Variants in ARL10 observed in about 807,000 individuals in gnomAD.
ARL10 encodes ADP-ribosylation factor-like protein 10.
In ARL10, 23 loss-of-function variants were observed where a neutral mutation model predicts 26.1. That is an observed-to-expected ratio of 0.88 (90% CI 0.63 to 1.25). The LOEUF (loss-of-function observed/expected upper bound fraction) is 1.25, where lower values mean the gene tolerates loss of function less well. Among genes scored for constraint, ARL10 ranks in the 50% most tolerant of loss-of-function variants. ARL10 has a pLI of 0.00. For missense variants in ARL10, 300 were observed against 323.6 expected, an observed-to-expected ratio of 0.93 and a Z score of 0.56; for synonymous variants, 138 against 149.1, an observed-to-expected ratio of 0.93 and a Z score of 0.54.
chr5:176,392,785 G>A (rs145737672), downstream of ARL10: 2 of 1,614,136 alleles, frequency 1.2e-6, no homozygotes, highest in African/African-American at 2.7e-5. This position sits in a 1 kb window ranked among gnomAD's most constrained non-coding sequence, Gnocchi z 5.2. Context: ...TAGCGGGACA[G>A]TGGCGTCTGC....
rs1455998537 is a variant in ARL10, at chr5:176,379,070, T to C, written c.*7175T>C. 2 of 152,202 alleles carry C rather than the reference T, an allele frequency of 1.3e-5. No individual in the cohort carries two copies. The highest frequency in any genetic ancestry group is 2.4e-5 in the African/African-American group (1 of 41,446). 9.4% of individuals were successfully genotyped at this position (152,202 alleles called of 1,614,324 possible). A position where few individuals can be genotyped will look rare whatever the true frequency, so the allele number is the denominator to read the frequency against. Reference sequence around the variant, plus strand: ...ATCTGGGGGTTGCTGCCACTGCCTTTAAACAATTGGGATATGCCTTAGCTA... The same window carrying C: ...ATCTGGGGGTTGCTGCCACTGCCTTCAAACAATTGGGATATGCCTTAGCTA... On this transcript the variant is annotated 3_prime_UTR_variant, in exon 4 of 4. Coordinates refer to ENST00000310389, the MANE Select transcript of ARL10 (RefSeq NM_173664.6).
rs534680857 is a variant in ARL10 at position 176,372,587 on chromosome 5, C to A, written c.*692C>A. ...TTCCCTGAGCCCAGGCCTGGCCTGC[C>A]AGCCTCTCTTGACTACAGAATAACT... On this transcript the variant is annotated 3_prime_UTR_variant, in exon 4 of 4. Transcript: ENST00000310389. 7.2e-4 allele frequency: 169 copies of A among 235,330 alleles called. No individual in the cohort carries two copies. The highest frequency in any genetic ancestry group is 3.4e-3 in the African/African-American group (152 of 44,908). The allele number at this position is 235,330 out of a possible 1,614,324, so 14.6% of individuals were successfully genotyped here. A position where few individuals can be genotyped will look rare whatever the true frequency, so the allele number is the denominator to read the frequency against.
At chr5:176,392,635 C>G (rs1756305792), downstream of ARL10, 3 of 995,540 alleles carry the variant, frequency 3.0e-6, no homozygotes, top group Non-Finnish European at 4.4e-6. This position sits in a 1 kb window ranked among gnomAD's most constrained non-coding sequence, Gnocchi z 5.2. Flanking sequence ...TGAGGGCCCC[C>G]CTCCCAGCGC....
At chr5:176,402,798 G>A (rs189967738), downstream of ARL10, among the ~76,000 whole-genome samples, 39 of 152,294 alleles carry the variant, frequency 2.6e-4, no homozygotes, top group Non-Finnish European at 4.7e-4. Flanking sequence ...CTGGAACACA[G>A]TTCAGATAAA....
chr5:176,409,358 A>C, the ARL10 span, among the ~76,000 whole-genome samples: 1 of 148,542 alleles, frequency 6.7e-6, no homozygotes, highest in African/African-American at 2.5e-5. Context: ...TTTCCACTTA[A>C]TATATTGTGG....
At chr5:176,397,828 T>A in intron 1 of ARL10, 2 of 1,474,992 alleles carry the variant, frequency 1.4e-6, no homozygotes, top group Non-Finnish European at 9.5e-7. Flanking sequence ...ACCGGCCCAG[T>A]CCCACATTAA....
intron 1 of ARL10, among the ~76,000 whole-genome samples, chr5:176,395,341 A>G (rs1341974491): frequency 6.6e-6 from 1 of 152,148 alleles, no homozygotes; most frequent in African/African-American, 2.4e-5. Context: ...GGCCCTTATC[A>G]TAACACACTC....
At chr5:176,390,902 C>T (rs1171517881), downstream of ARL10, among the ~76,000 whole-genome samples, 1 of 152,176 alleles carries the variant, frequency 6.6e-6, no homozygotes, top group Non-Finnish European at 1.5e-5. Context: ...TGAGCACACT[C>T]TAGAAGAGAG....
intron 2 of ARL10, 71 bp downstream of exon 2, chr5:176,366,652 G>C: frequency 6.4e-7 from 1 of 1,550,608 alleles, no homozygotes; most frequent in Non-Finnish European, 8.8e-7. Context: ...GCAGGGAAGG[G>C]GGCTTCCAAA....
chr5:176,397,109 C>G (rs141513546), intron 1 of ARL10, among the ~76,000 whole-genome samples: 1 of 152,150 alleles, frequency 6.6e-6, no homozygotes, highest in Non-Finnish European at 1.5e-5. Flanking sequence ...TCCTCTGCGC[C>G]CTTTGAGGAC....
Position 176,376,282 on chromosome 5 carries a change from A to T in ARL10, c.*4387A>T, listed in dbSNP as rs1768692455. On this transcript the variant is annotated 3_prime_UTR_variant, in exon 4 of 4. Coordinates refer to ENST00000310389, the MANE Select transcript of ARL10 (RefSeq NM_173664.6). The stretch of plus-strand genomic sequence containing the variant: ...GAGGCTGAGGCATGAGAATCACTTA[A>T]ACTTGGGAGGCAGAGGTTGCAGTGA... 1.3e-5 allele frequency: 2 copies of T among 151,636 alleles called. No homozygotes were observed. 9.4% of individuals were successfully genotyped at this position (151,636 alleles called of 1,614,324 possible).
At chr5:176,371,218 T>C (rs4348234) in intron 3 of ARL10, among the ~76,000 whole-genome samples, 2 of 151,902 alleles carry the variant, frequency 1.3e-5, no homozygotes, top group African/African-American at 4.8e-5. Context: ...CTACTAAAAA[T>C]ACAAAAATTA....
At chr5:176,402,057 C>A (rs1281845337), downstream of ARL10, among the ~76,000 whole-genome samples, 1 of 152,196 alleles carries the variant, frequency 6.6e-6, no homozygotes, top group Non-Finnish European at 1.5e-5. Flanking sequence ...AATCCTAGCA[C>A]TTTGGGAGGC....
chr5:176,386,641 C>T (rs1561782927), downstream of ARL10: 1 of 676,940 alleles, frequency 1.5e-6, no homozygotes, highest in African/African-American at 1.8e-5. Flanking sequence ...TTAGTTCACA[C>T]AGTAAGGTCA....
At chr5:176,395,977 A>C (rs1208407059) in intron 1 of ARL10, among the ~76,000 whole-genome samples, 2 of 152,162 alleles carry the variant, frequency 1.3e-5, no homozygotes, top group African/African-American at 4.8e-5. Flanking sequence ...TCTACTAAAA[A>C]TACAAAAGTT....
At chr5:176,391,421 G>C (rs1478376275), downstream of ARL10, among the ~76,000 whole-genome samples, 2 of 152,144 alleles carry the variant, frequency 1.3e-5, no homozygotes, top group Non-Finnish European at 2.9e-5. Flanking sequence ...TGCCCAGCCT[G>C]GGTGACATGG....
intron 2 of ARL10, among the ~76,000 whole-genome samples, chr5:176,366,935 G>A (rs762286942): frequency 2.7e-5 from 4 of 150,440 alleles, no homozygotes; most frequent in Non-Finnish European, 5.9e-5. Context: ...CACTACCCTC[G>A]TTATCTCCAG....
At chr5:176,397,872 C>T (rs1414063156) in intron 1 of ARL10, 2 of 1,523,692 alleles carry the variant, frequency 1.3e-6, no homozygotes, top group Non-Finnish European at 9.1e-7. Context: ...CGAGGACTCC[C>T]CACACTCCAC....
At chr5:176,406,506 T>C (rs1288707093), downstream of ARL10, 3 of 1,233,064 alleles carry the variant, frequency 2.4e-6, no homozygotes, top group Non-Finnish European at 3.1e-6. Flanking sequence ...TGCTGATTCC[T>C]CTAAGAAGCT....
Sources: gnomAD v4.1 joint callset for allele counts (sites outside exome capture counted in the v4.1 genomes callset) on GRCh38, gnomAD v4.1.1 for gene constraint, Gnocchi (gnomAD v3.1) non-coding constraint, MANE v1.5 for transcripts, NCBI Gene and HGNC (gene_info 2026-07-23, HGNC 2026-07-21) for gene names.